The following ST8SIA2 variants were observed in gnomAD, a reference collection of about 807,000 sequenced individuals.
ST8SIA2 encodes alpha-2,8-sialyltransferase 8B.
A neutral mutation model predicts 37.6 loss-of-function variants in ST8SIA2; 22 were observed. That is an observed-to-expected ratio of 0.58 (90% CI 0.42 to 0.83). The LOEUF is 0.83. Ranked by LOEUF, ST8SIA2 falls within the 40% of genes least tolerant of loss-of-function variation. The probability of loss-of-function intolerance (pLI) is 0.00; values close to 1 mark genes in which losing one functional copy is unlikely to be tolerated. For missense variants in ST8SIA2, 382 were observed against 484.7 expected (o/e 0.79, Z 1.99); for synonymous variants, 205 against 201.2 (o/e 1.02, Z -0.16).
intron 1 of ST8SIA2, among the ~76,000 whole-genome samples, chr15:92,397,219 G>A (rs2049438408): frequency 6.6e-6 from 1 of 152,158 alleles, no homozygotes; most frequent in Admixed American, 6.6e-5. Context: ...AATTACATGT[G>A]TATTATCTGG....
chr15:92,413,873 C>G (rs545290974), intron 1 of ST8SIA2, among the ~76,000 whole-genome samples: 2 of 152,204 alleles, frequency 1.3e-5, no homozygotes, highest in African/African-American at 4.8e-5. Flanking sequence ...CTGAGGCAGC[C>G]CCCGGTGTGA....
chr15:92,416,060 A>G (rs1407455443), intron 1 of ST8SIA2, among the ~76,000 whole-genome samples: 1 of 152,090 alleles, frequency 6.6e-6, no homozygotes, highest in Non-Finnish European at 1.5e-5. Context: ...CATGTGGCAC[A>G]CTGCATTTCG....
chr15:92,428,115 G>C (rs2049689952), intron 1 of ST8SIA2, among the ~76,000 whole-genome samples: 1 of 152,188 alleles, frequency 6.6e-6, no homozygotes, highest in African/African-American at 2.4e-5. Flanking sequence ...AAATATTCTT[G>C]TGTTAATGGT....
At chr15:92,444,571 C>T (rs1216700091) in intron 4 of ST8SIA2, 65 bp from the exon 5 acceptor site, 24 of 1,601,880 alleles carry the variant, frequency 1.5e-5, no homozygotes, top group East Asian at 6.7e-5. Context: ...AGGATGGGAT[C>T]GAGTTAAACA....
At position 92,466,292 on chromosome 15, in the gene ST8SIA2, C is replaced by T. The variant is rs1401161003; in HGVS notation, c.*1907C>T. 2 of 152,236 alleles carry T rather than the reference C, an allele frequency of 1.3e-5. No homozygotes were observed. Among genetic ancestry groups the T allele is most frequent in the Non-Finnish European group, 2.9e-5 (2 of 68,046 alleles). The allele number at this position is 152,236 out of a possible 1,614,324, so 9.4% of individuals were successfully genotyped here. The stretch of plus-strand genomic sequence containing the variant: ...GAACTGAGTGGTTTCGGACTCCTCA[C>T]AGGCGGTGGAAATAATTAATACCAT... On this transcript the variant is annotated 3_prime_UTR_variant, in exon 6 of 6. Coordinates refer to ENST00000268164, the MANE Select transcript of ST8SIA2 (RefSeq NM_006011.4).
At chr15:92,463,059 A>C (rs1217146444) in intron 5 of ST8SIA2, among the ~76,000 whole-genome samples, 1 of 152,244 alleles carries the variant, frequency 6.6e-6, no homozygotes, top group East Asian at 1.9e-4. Context: ...TAGGTTCAGC[A>C]GAGAGATGTG....
intron 5 of ST8SIA2, among the ~76,000 whole-genome samples, chr15:92,448,120 A>G (rs1487098869): frequency 6.6e-6 from 1 of 152,246 alleles, no homozygotes; most frequent in Non-Finnish European, 1.5e-5. Context: ...AAGCACCAGT[A>G]ATAAGCCCTT....
intron 1 of ST8SIA2, among the ~76,000 whole-genome samples, chr15:92,400,092 C>T (rs534293346): frequency 2.0e-5 from 3 of 152,252 alleles, no homozygotes; most frequent in Non-Finnish European, 2.9e-5. Flanking sequence ...GCCCTCCTTG[C>T]GCACACACCA....
chr15:92,408,406 G>A (rs989507192), intron 1 of ST8SIA2, among the ~76,000 whole-genome samples: 10 of 152,140 alleles, frequency 6.6e-5, no homozygotes, highest in Non-Finnish European at 1.3e-4. Flanking sequence ...GGCTAGGACC[G>A]TTTCAGATGT....
chr15:92,410,973 TGTGACGCG>T (rs1255043577), intron 1 of ST8SIA2, among the ~76,000 whole-genome samples: 1 of 152,196 alleles, frequency 6.6e-6, no homozygotes, highest in African/African-American at 2.4e-5. Context: ...TTCTCACATT[TGTGACGCG>T]GCTGCCACAG....
chr15:92,464,631 C>T lies in ST8SIA2; in HGVS notation c.*246C>T, dbSNP rs1481698571. 5.5e-6 allele frequency: 3 copies of T among 548,392 alleles called. No homozygotes were observed. Among genetic ancestry groups the T allele is most frequent in the Non-Finnish European group, 9.8e-6 (3 of 307,522 alleles). 34.0% of individuals were successfully genotyped at this position (548,392 alleles called of 1,614,324 possible). On this transcript the variant is annotated 3_prime_UTR_variant, in exon 6 of 6. Transcript: ENST00000268164. ...ACAGGAAGAAGGTGTGGAGAACCCA[C>T]CTGAACCAGATTGAGACTCAATCCA... is the stretch of plus-strand genomic sequence containing the variant.
At position 92,422,436 on chromosome 15, in the gene ST8SIA2, G is replaced by A. The variant is rs576129524; in HGVS notation, c.99-7613G>A. On this transcript the variant is annotated intron_variant, in intron 1 of 5. Coordinates refer to ENST00000268164, the MANE Select transcript of ST8SIA2 (RefSeq NM_006011.4). ...AGTGCAGGTTATATCCATGTGACAG[G>A]GAATCATCTCCCTGTGCCCAGCCGG... 8.5e-5 allele frequency: 13 copies of A among 152,300 alleles called. No individual in the cohort carries two copies. The South Asian group carries it at 2.7e-3, about 32-fold the overall frequency. The allele number at this position is 152,300 out of a possible 1,614,324, so 9.4% of individuals were successfully genotyped here. A position where few individuals can be genotyped will look rare whatever the true frequency, so the allele number is the denominator to read the frequency against.
intron 1 of ST8SIA2, among the ~76,000 whole-genome samples, chr15:92,398,984 T>C (rs2049451694): frequency 6.6e-6 from 1 of 152,216 alleles, no homozygotes; most frequent in Non-Finnish European, 1.5e-5. Context: ...AGAGGAGGAC[T>C]CTGAGCACAT....
intron 3 of ST8SIA2, among the ~76,000 whole-genome samples, chr15:92,436,947 A>G (rs1397321251): frequency 6.6e-6 from 1 of 152,156 alleles, no homozygotes; most frequent in Non-Finnish European, 1.5e-5. Flanking sequence ...CAGAATCAAG[A>G]TTTCTCACAT....
At chr15:92,433,758 C>T (rs768097525) in intron 2 of ST8SIA2, among the ~76,000 whole-genome samples, 1 of 152,192 alleles carries the variant, frequency 6.6e-6, no homozygotes, top group Non-Finnish European at 1.5e-5. Context: ...GAGCATATCT[C>T]AGAATTACCC....
chr15:92,405,518 C>T (rs1045960253), intron 1 of ST8SIA2, among the ~76,000 whole-genome samples: 5 of 152,204 alleles, frequency 3.3e-5, no homozygotes, highest in East Asian at 1.9e-4. Context: ...CACACACGCG[C>T]GCAAGCAGCC....
chr15:92,437,413 A>G (rs1198166162), intron 3 of ST8SIA2, among the ~76,000 whole-genome samples: 1 of 151,898 alleles, frequency 6.6e-6, no homozygotes, highest in East Asian at 1.9e-4. Context: ...TCCTGACCCC[A>G]CTCCATCCTT....
At chr15:92,417,216 C>G (rs912960792) in intron 1 of ST8SIA2, among the ~76,000 whole-genome samples, 1 of 152,250 alleles carries the variant, frequency 6.6e-6, no homozygotes, top group African/African-American at 2.4e-5. Flanking sequence ...CCAGTCCCCT[C>G]TGCCGGTGGT....
intron 5 of ST8SIA2, among the ~76,000 whole-genome samples, chr15:92,453,124 T>C (rs1466701746): frequency 6.6e-6 from 1 of 152,142 alleles, no homozygotes; most frequent in Non-Finnish European, 1.5e-5. Flanking sequence ...GGAAGGAAGC[T>C]GGGATTCAAA....
Sources: allele counts gnomAD v4.1 joint callset (sites outside exome capture counted in the v4.1 genomes callset), GRCh38; gene constraint gnomAD v4.1.1; transcripts MANE v1.5; gene names NCBI Gene and HGNC (gene_info 2026-07-23, HGNC 2026-07-21).